Variants in STK32A observed in about 807,000 individuals in gnomAD.
STK32A encodes the protein serine/threonine-protein kinase 32A.
Under a neutral mutation model 53.2 loss-of-function variants are expected in STK32A, and 41 were observed. The ratio of observed to expected loss-of-function variants is 0.77; its 90% CI spans 0.60 to 1.00. The LOEUF is 1.00. Among genes scored for constraint, STK32A ranks in the 50% least tolerant of loss-of-function variants. STK32A has a pLI of 0.00. For missense variants in STK32A, 458 were observed against 485.8 expected (o/e 0.94, Z 0.54); for synonymous variants, 166 against 162.8 (o/e 1.02, Z -0.15).
intron 5 of STK32A, among the ~76,000 whole-genome samples, chr5:147,325,635 T>C (rs1213622319): frequency 1.3e-5 from 2 of 152,192 alleles, no homozygotes; most frequent in Non-Finnish European, 2.9e-5. Context: ...GTATTGGAAG[T>C]GTGCTCTTCA....
chr5:147,316,149 C>T (rs187443931), intron 4 of STK32A, among the ~76,000 whole-genome samples: 1 of 152,230 alleles, frequency 6.6e-6, no homozygotes, highest in Non-Finnish European at 1.5e-5. Flanking sequence ...TGAGTGTATA[C>T]AGTGGGATAG....
Position 147,384,582 on chromosome 5 carries a change from T to C in STK32A, c.*599T>C, listed in dbSNP as rs1423947048. 3.2e-6 allele frequency: 2 copies of C among 616,902 alleles called. No homozygotes were observed. The highest frequency in any genetic ancestry group is 5.4e-6 in the Non-Finnish European group (2 of 370,862). The allele number at this position is 616,902 out of a possible 1,614,324, so 38.2% of individuals were successfully genotyped here. On this transcript the variant is annotated 3_prime_UTR_variant, in exon 13 of 13. Transcript: ENST00000397936. Reference sequence around the variant, plus strand: ...CAGCATTAGATCCGCTTATCTCAGCTGGCAGGAGCCTGCTGTGCACACCAC... The same window carrying C: ...CAGCATTAGATCCGCTTATCTCAGCCGGCAGGAGCCTGCTGTGCACACCAC...
intron 12 of STK32A, 128 bp from the exon 13 acceptor site, chr5:147,383,762 C>T (rs1757544600): frequency 1.0e-6 from 1 of 992,006 alleles, no homozygotes; most frequent in East Asian, 2.8e-5. Context: ...AAAATCAAAG[C>T]CTTTTAAAAG....
chr5:147,374,520 G>T (rs1757147306), intron 10 of STK32A, among the ~76,000 whole-genome samples: 1 of 152,086 alleles, frequency 6.6e-6, no homozygotes, highest in Non-Finnish European at 1.5e-5. Flanking sequence ...GGGGCAACTT[G>T]TACCATAATT....
chr5:147,252,160 A>G (rs564231051), intron 2 of STK32A, among the ~76,000 whole-genome samples: 1 of 152,282 alleles, frequency 6.6e-6, no homozygotes, highest in African/African-American at 2.4e-5. Context: ...AAAAACAAAA[A>G]CAATTTATTT....
chr5:147,371,067 C>T lies in STK32A; in HGVS notation c.777+297C>T, dbSNP rs1174467311. ...TCTATCCAAATCCACTTACGCCAGC[C>T]AGCAACCAGGACTCATTTGTCATCT... is the stretch of plus-strand genomic sequence containing the variant. On this transcript the variant is annotated intron_variant, in intron 9 of 12. Coordinates refer to ENST00000397936, the MANE Select transcript of STK32A (RefSeq NM_001112724.2). Among the ~76,000 whole-genome samples, 3 of 152,138 alleles carry T rather than the reference C, an allele frequency of 2.0e-5. No homozygotes were observed. In the East Asian group the frequency reaches 5.8e-4, roughly 29 times the overall value.
At chr5:147,336,396 G>C (rs1249039103) in intron 5 of STK32A, among the ~76,000 whole-genome samples, 1 of 151,826 alleles carries the variant, frequency 6.6e-6, no homozygotes, top group Non-Finnish European at 1.5e-5. Flanking sequence ...GCCCAGGAGA[G>C]GTCCTTCAGG....
At chr5:147,383,783 C>T (rs763244729) in intron 12 of STK32A, 107 bp from the exon 13 acceptor site, 182 of 1,091,270 alleles carry the variant, frequency 1.7e-4, no homozygotes, top group Non-Finnish European at 2.1e-4. Context: ...ATTTCCTTGG[C>T]TCATGCTTAT....
intron 2 of STK32A, among the ~76,000 whole-genome samples, chr5:147,262,603 C>A (rs10051256): frequency 0.082 from 7,310 of 88,864 alleles, 578 homozygotes; most frequent in African/African-American, 0.23. Flanking sequence ...CAAAACAAAA[C>A]AAAAAAAAAC....
At chr5:147,365,445 G>A (rs1226900186) in intron 8 of STK32A, among the ~76,000 whole-genome samples, 1 of 151,532 alleles carries the variant, frequency 6.6e-6, no homozygotes. Flanking sequence ...TAAGCCAAAT[G>A]TGTAAGTCCT....
chr5:147,273,129 CT>C (rs1228582933), intron 2 of STK32A, among the ~76,000 whole-genome samples: 2 of 152,150 alleles, frequency 1.3e-5, no homozygotes, highest in Non-Finnish European at 2.9e-5. Flanking sequence ...AAAGGGTTTC[CT>C]TTTTTCTTTC....
intron 4 of STK32A, among the ~76,000 whole-genome samples, chr5:147,289,025 C>A: frequency 6.6e-6 from 1 of 152,276 alleles, no homozygotes; most frequent in South Asian, 2.1e-4. Context: ...ACTTGCCCAT[C>A]TCCTATGGTT....
At chr5:147,400,266 C>T in the STK32A span, among the ~76,000 whole-genome samples, 3 of 152,212 alleles carry the variant, frequency 2.0e-5, no homozygotes, top group East Asian at 5.8e-4. Context: ...CACATGCCCT[C>T]AGTACAGGGC....
intron 2 of STK32A, among the ~76,000 whole-genome samples, chr5:147,247,649 T>C (rs1753814701): frequency 6.6e-6 from 1 of 152,216 alleles, no homozygotes; most frequent in Non-Finnish European, 1.5e-5. Flanking sequence ...ATACAGTCTC[T>C]GTCACAACTA....
intron 2 of STK32A, among the ~76,000 whole-genome samples, chr5:147,257,035 G>A (rs1754267033): frequency 6.6e-6 from 1 of 152,094 alleles, no homozygotes; most frequent in Non-Finnish European, 1.5e-5. Flanking sequence ...TTAGAAAAGG[G>A]GAAGAAATTT....
chr5:147,351,545 TA>T (rs112192014), intron 7 of STK32A, among the ~76,000 whole-genome samples: 3 of 147,828 alleles, frequency 2.0e-5, no homozygotes, highest in Admixed American at 6.8e-5. Flanking sequence ...AGCAGATTTA[TA>T]AAAAAAAAAG....
intron 4 of STK32A, among the ~76,000 whole-genome samples, chr5:147,307,077 T>A (rs562489901): frequency 6.6e-6 from 1 of 152,044 alleles, no homozygotes; most frequent in Non-Finnish European, 1.5e-5. Flanking sequence ...GTAAAAAATA[T>A]AGCGACCATA....
intron 10 of STK32A, 103 bp downstream of exon 10, chr5:147,373,397 AAGAG>A: frequency 6.8e-7 from 1 of 1,467,162 alleles, no homozygotes; most frequent in Non-Finnish European, 9.2e-7. Flanking sequence ...CAGTGTTGTT[AAGAG>A]AGCCCCAATT....
chr5:147,351,016 C>T (rs749864387), intron 6 of STK32A, 49 bp from the exon 7 acceptor site: 1 of 1,528,222 alleles, frequency 6.5e-7, no homozygotes. Flanking sequence ...GATTGTGCCA[C>T]TGGGTTGAAT....
Sources: allele counts gnomAD v4.1 joint callset (sites outside exome capture counted in the v4.1 genomes callset), GRCh38; gene constraint gnomAD v4.1.1; transcripts MANE v1.5; gene names NCBI Gene and HGNC (gene_info 2026-07-23, HGNC 2026-07-21).